CLEC5A: variants seen among roughly 807,000 people sequenced by gnomAD.
CLEC5A encodes C-type lectin domain containing 5A.
CLEC5A carries 15 observed loss-of-function variants against 24.4 expected under a neutral mutation model. The observed-to-expected ratio is 0.62, with a 90% CI of 0.41 to 0.95. The LOEUF (loss-of-function observed/expected upper bound fraction) is 0.95, where lower values mean the gene tolerates loss of function less well. Ranked by LOEUF, CLEC5A falls within the 40% of genes least tolerant of loss-of-function variation. CLEC5A has a pLI of 0.00. For synonymous variants in CLEC5A, 71 were observed against 72.6 expected, an observed-to-expected ratio of 0.98 and a Z score of 0.11; for missense variants, 211 against 224.0, an observed-to-expected ratio of 0.94 and a Z score of 0.37.
chr7:141,946,253 C>G lies in CLEC5A; in HGVS notation c.40G>C (p.Val14Leu). Residue 14 changes from valine (V) to leucine (L), a missense_variant, in exon 2 of 7, where the codon GTG becomes CTG. Physicochemically the swap from Val to Leu is conservative, Grantham distance 32 (BLOSUM62 1). Coordinates refer to ENST00000546910, the MANE Select transcript of CLEC5A (RefSeq NM_013252.3). ...HMIISGLIVV[V>L]LKVVGMTLFL... ...AAGGTCATTCCAACAACTTTAAGCA[C>G]TACCACAATAAGCCCAGAGATGATC... 6.4e-7 allele frequency: 1 copy of G among 1,572,734 alleles called. No individual in the cohort carries two copies. The highest frequency in any genetic ancestry group is 8.6e-7 in the Non-Finnish European group (1 of 1,157,756).
intron 5 of CLEC5A, among the ~76,000 whole-genome samples, chr7:141,932,181 G>A (rs1444688825): frequency 6.6e-6 from 1 of 152,028 alleles, no homozygotes; most frequent in African/African-American, 2.4e-5. Flanking sequence ...TCTAAAACAG[G>A]GTCATTTAAA....
intron 5 of CLEC5A, among the ~76,000 whole-genome samples, chr7:141,935,568 C>T (rs559034708): frequency 5.9e-5 from 9 of 152,252 alleles, no homozygotes; most frequent in South Asian, 2.1e-4. Context: ...AATTACAGTG[C>T]GCTATAGAAA....
intron 2 of CLEC5A, 78 bp from the exon 3 acceptor site, chr7:141,945,478 G>T: frequency 1.1e-5 from 10 of 943,874 alleles, no homozygotes; most frequent in Non-Finnish European, 1.8e-5. Context: ...TCAGCACAGG[G>T]GCTGCTAGGG....
At chr7:141,936,911 C>T (rs554458158) in intron 4 of CLEC5A, among the ~76,000 whole-genome samples, 1 of 152,110 alleles carries the variant, frequency 6.6e-6, no homozygotes, top group South Asian at 2.1e-4. Flanking sequence ...ATTCCAAACC[C>T]TAGTTCCTGA....
intron 4 of CLEC5A, among the ~76,000 whole-genome samples, chr7:141,942,840 T>C (rs956082666): frequency 1.3e-5 from 2 of 152,172 alleles, no homozygotes; most frequent in Non-Finnish European, 2.9e-5. Context: ...TCAACACCAT[T>C]CCTCATTATA....
intron 4 of CLEC5A, among the ~76,000 whole-genome samples, chr7:141,938,355 G>A (rs569715902): frequency 1.2e-4 from 18 of 152,014 alleles, no homozygotes; most frequent in Non-Finnish European, 2.2e-4. Context: ...AGAAATTCTG[G>A]AGTTAAAAAA....
At chr7:141,936,273 C>A (rs1802622286) in intron 4 of CLEC5A, 2 of 333,918 alleles carry the variant, frequency 6.0e-6, no homozygotes, top group South Asian at 5.5e-5. Context: ...ACACTCAGTA[C>A]CTGGATAGCT....
rs545067143 is a variant in CLEC5A at position 141,927,893 on chromosome 7, G to A, written c.*2211C>T. The stretch of plus-strand genomic sequence containing the variant: ...GTCTAATGCCATTGAGATACATAGA[G>A]GAATGTTATTTAATATGTGCAATAA... On this transcript the variant is annotated 3_prime_UTR_variant, in exon 7 of 7. Transcript: ENST00000546910. 3 of 152,222 alleles carry A rather than the reference G, an allele frequency of 2.0e-5. No individual in the cohort carries two copies. The highest frequency in any genetic ancestry group is 1.3e-4 in the Admixed American group (2 of 15,296). The allele number at this position is 152,222 out of a possible 1,614,324, so 9.4% of individuals were successfully genotyped here.
chr7:141,930,490 T>G (rs1052758965), intron 6 of CLEC5A, among the ~76,000 whole-genome samples: 7 of 152,184 alleles, frequency 4.6e-5, no homozygotes, highest in African/African-American at 1.7e-4. Flanking sequence ...GGATTCACAG[T>G]CTTGGACTAA....
intron 4 of CLEC5A, 149 bp downstream of exon 4, chr7:141,943,747 A>C (rs1554441836): frequency 1.6e-6 from 1 of 629,886 alleles, no homozygotes; most frequent in Non-Finnish European, 2.9e-6. Context: ...AAGCCAAAAT[A>C]ATATGTACAA....
At chr7:141,940,150 A>C (rs1802742686) in intron 4 of CLEC5A, among the ~76,000 whole-genome samples, 1 of 152,144 alleles carries the variant, frequency 6.6e-6, no homozygotes, top group South Asian at 2.1e-4. Context: ...TTTCTTCAGC[A>C]TATGGATCAT....
intron 5 of CLEC5A, among the ~76,000 whole-genome samples, chr7:141,935,178 G>A (rs6960597): frequency 1.3e-4 from 20 of 152,340 alleles, no homozygotes; most frequent in Admixed American, 1.0e-3. Context: ...AGAAGCAAGA[G>A]TATAGTGTAT....
At chr7:141,945,669 G>A (rs1319066936) in intron 2 of CLEC5A, among the ~76,000 whole-genome samples, 5 of 152,118 alleles carry the variant, frequency 3.3e-5, no homozygotes, top group Non-Finnish European at 5.9e-5. Flanking sequence ...TCCCACTCAC[G>A]TTTCCTTCCT....
chr7:141,931,046 C>T (rs1802442636), intron 6 of CLEC5A, among the ~76,000 whole-genome samples: 1 of 152,010 alleles, frequency 6.6e-6, no homozygotes, highest in Non-Finnish European at 1.5e-5. Flanking sequence ...ATGTTCTCAC[C>T]AATCCTCATC....
Position 141,932,562 on chromosome 7 carries a change from G to A in CLEC5A, c.346-736C>T, listed in dbSNP as rs113605446. ...TTTCCTTAGTTTCTCACTTTTCAAT[G>A]TTCTCCTTTTCTGAAATATCTTATT... On this transcript the variant is annotated intron_variant, in intron 5 of 6. Coordinates refer to ENST00000546910, the MANE Select transcript of CLEC5A (RefSeq NM_013252.3). Among the ~76,000 whole-genome samples the A allele has an allele frequency of 2.2e-3, 337 of 152,220 alleles. 2 individuals are homozygous for A. Among genetic ancestry groups the A allele is most frequent in the African/African-American group, 7.4e-3 (309 of 41,532 alleles).
chr7:141,938,353 T>C (rs1554441327), intron 4 of CLEC5A, among the ~76,000 whole-genome samples: 1 of 152,070 alleles, frequency 6.6e-6, no homozygotes, highest in African/African-American at 2.4e-5. Flanking sequence ...GCAGAAATTC[T>C]GGAGTTAAAA....
intron 4 of CLEC5A, among the ~76,000 whole-genome samples, chr7:141,943,448 T>C (rs1418413481): frequency 2.0e-5 from 3 of 151,326 alleles, no homozygotes; most frequent in Non-Finnish European, 4.4e-5. Flanking sequence ...TGGGGAGGTA[T>C]GGGGGAGAAG....
chr7:141,928,240 C>T lies in CLEC5A; in HGVS notation c.*1864G>A, dbSNP rs77470607. Reference sequence around the variant, plus strand: ...TTTAGAACCTGCACAGAAGTGTCTCCTAATCTTGGGGGAAATTAAACTGTC... The same window carrying T: ...TTTAGAACCTGCACAGAAGTGTCTCTTAATCTTGGGGGAAATTAAACTGTC... On this transcript the variant is annotated 3_prime_UTR_variant, in exon 7 of 7. Coordinates refer to ENST00000546910, the MANE Select transcript of CLEC5A (RefSeq NM_013252.3). 5 of 152,598 alleles carry T rather than the reference C, an allele frequency of 3.3e-5. No individual in the cohort carries two copies. The highest frequency in any genetic ancestry group is 1.2e-4 in the African/African-American group (5 of 41,454). 9.5% of individuals were successfully genotyped at this position (152,598 alleles called of 1,614,324 possible). A position where few individuals can be genotyped will look rare whatever the true frequency, so the allele number is the denominator to read the frequency against.
intron 4 of CLEC5A, among the ~76,000 whole-genome samples, chr7:141,937,147 A>G (rs1476322006): frequency 6.6e-6 from 1 of 151,882 alleles, no homozygotes; most frequent in Non-Finnish European, 1.5e-5. Context: ...TGAGAAAAGA[A>G]GAGAGAAAAG....
Sources: gnomAD v4.1 joint callset for allele counts (sites outside exome capture counted in the v4.1 genomes callset) on GRCh38, gnomAD v4.1.1 for gene constraint, MANE v1.5 for transcripts, NCBI Gene and HGNC (gene_info 2026-07-23, HGNC 2026-07-21) for gene names.